ST6GALNAC3: variants seen among roughly 807,000 people sequenced by gnomAD.
The protein encoded by ST6GALNAC3 is alpha-N-acetylgalactosaminide alpha-2,6-sialyltransferase 3.
In ST6GALNAC3, 25 loss-of-function variants were observed where a neutral mutation model predicts 32.7. The ratio of observed to expected loss-of-function variants is 0.76; its 90% CI spans 0.56 to 1.07. ST6GALNAC3 has a LOEUF of 1.07. Ranked by LOEUF, ST6GALNAC3 falls within the 50% of genes least tolerant of loss-of-function variation. The probability of loss-of-function intolerance (pLI) is 0.00; values close to 1 mark genes in which losing one functional copy is unlikely to be tolerated. For missense variants in ST6GALNAC3, 355 were observed against 382.4 expected, an observed-to-expected ratio of 0.93 and a Z score of 0.60; for synonymous variants, 129 against 133.1, an observed-to-expected ratio of 0.97 and a Z score of 0.21.
chr1:76,623,221 T>C (rs1648755132), intron 3 of ST6GALNAC3, among the ~76,000 whole-genome samples: 1 of 151,978 alleles, frequency 6.6e-6, no homozygotes, highest in Admixed American at 6.6e-5. Flanking sequence ...CTTGACGGCA[T>C]CATTTTCCCA....
chr1:76,415,552 C>A (rs1281535753), intron 3 of ST6GALNAC3, among the ~76,000 whole-genome samples: 1 of 151,902 alleles, frequency 6.6e-6, no homozygotes, highest in African/African-American at 2.4e-5. Flanking sequence ...AAAATTATAT[C>A]CTTATGCTCA....
At chr1:76,290,182 A>G (rs1382420943) in intron 1 of ST6GALNAC3, among the ~76,000 whole-genome samples, 2 of 152,232 alleles carry the variant, frequency 1.3e-5, no homozygotes, top group Admixed American at 6.5e-5. Flanking sequence ...TGCTCCCTCC[A>G]CAGGATTAAC....
chr1:76,321,279 G>C (rs1280508698), intron 2 of ST6GALNAC3, among the ~76,000 whole-genome samples: 1 of 152,114 alleles, frequency 6.6e-6, no homozygotes, highest in African/African-American at 2.4e-5. Flanking sequence ...CTGGATGTCA[G>C]TAGCTGTGTT....
At chr1:76,152,262 A>G (rs140836691) in intron 1 of ST6GALNAC3, among the ~76,000 whole-genome samples, 55 of 152,254 alleles carry the variant, frequency 3.6e-4, no homozygotes, top group African/African-American at 1.2e-3. Context: ...TGCTTTTCCA[A>G]GGACACTGCT....
chr1:76,208,336 A>G (rs112227298), intron 1 of ST6GALNAC3, among the ~76,000 whole-genome samples: 1,681 of 152,348 alleles, frequency 0.011, 8 homozygotes, highest in Middle Eastern at 0.031. Context: ...ATGTCACACA[A>G]ATTTAGCCAC....
intron 3 of ST6GALNAC3, among the ~76,000 whole-genome samples, chr1:76,616,663 TA>T (rs1648311834): frequency 6.6e-6 from 1 of 152,180 alleles, no homozygotes. Flanking sequence ...TCTAAAATTC[TA>T]AATGCCTGCA....
chr1:76,432,320 T>C (rs1038078767), intron 3 of ST6GALNAC3, among the ~76,000 whole-genome samples: 1 of 152,188 alleles, frequency 6.6e-6, no homozygotes, highest in Non-Finnish European at 1.5e-5. Flanking sequence ...AGAGTTGCTA[T>C]AAATATCTGT....
intron 2 of ST6GALNAC3, among the ~76,000 whole-genome samples, chr1:76,314,779 C>T (rs1474700803): frequency 6.6e-6 from 1 of 152,108 alleles, no homozygotes. Context: ...ACACAAAGTC[C>T]AAGCCTGTTT....
chr1:76,380,515 G>A (rs1482877374), intron 2 of ST6GALNAC3, among the ~76,000 whole-genome samples: 2 of 152,114 alleles, frequency 1.3e-5, no homozygotes, highest in Non-Finnish European at 2.9e-5. Context: ...GTACATAAAT[G>A]TTTATAGCAG....
intron 3 of ST6GALNAC3, among the ~76,000 whole-genome samples, chr1:76,469,131 G>C (rs1327883650): frequency 1.3e-5 from 2 of 152,060 alleles, no homozygotes; most frequent in Non-Finnish European, 2.9e-5. Context: ...ATTATGTGTT[G>C]TAATGGCTTA....
intron 3 of ST6GALNAC3, among the ~76,000 whole-genome samples, chr1:76,611,773 A>G (rs1647948552): frequency 6.6e-6 from 1 of 152,212 alleles, no homozygotes; most frequent in African/African-American, 2.4e-5. Context: ...TAATATTATA[A>G]CCAACACTGA....
chr1:76,166,936 T>C (rs1195857703), intron 1 of ST6GALNAC3, among the ~76,000 whole-genome samples: 1 of 152,170 alleles, frequency 6.6e-6, no homozygotes, highest in African/African-American at 2.4e-5. Flanking sequence ...TATAGGATCA[T>C]CTTGTCTACA....
intron 3 of ST6GALNAC3, among the ~76,000 whole-genome samples, chr1:76,418,215 G>C (rs1467996206): frequency 1.3e-5 from 2 of 152,110 alleles, no homozygotes; most frequent in Non-Finnish European, 1.5e-5. Flanking sequence ...GCGTGGTCAA[G>C]TGTAGAGATG....
At chr1:76,188,361 CA>C (rs968896536) in intron 1 of ST6GALNAC3, among the ~76,000 whole-genome samples, 4 of 149,380 alleles carry the variant, frequency 2.7e-5, no homozygotes, top group South Asian at 2.1e-4. Flanking sequence ...GACTCCATCT[CA>C]AAAAAAAACA....
intron 2 of ST6GALNAC3, among the ~76,000 whole-genome samples, chr1:76,364,931 A>C (rs957410752): frequency 9.2e-5 from 14 of 152,210 alleles, no homozygotes; most frequent in Non-Finnish European, 1.6e-4. Flanking sequence ...CTTCTCAAAG[A>C]ACTAAAAATA....
chr1:76,525,229 T>C (rs771277195), intron 3 of ST6GALNAC3, among the ~76,000 whole-genome samples: 2 of 152,118 alleles, frequency 1.3e-5, no homozygotes, highest in Non-Finnish European at 2.9e-5. Flanking sequence ...AGAGGAGCCA[T>C]GGAACATTTC....
At chr1:76,251,116 C>G (rs562369033) in intron 1 of ST6GALNAC3, among the ~76,000 whole-genome samples, 20 of 152,100 alleles carry the variant, frequency 1.3e-4, no homozygotes, top group Non-Finnish European at 2.6e-4. Flanking sequence ...GCCTTTTCCA[C>G]CTTCAACAAT....
In ST6GALNAC3 at chr1:76,535,260, T is replaced by C. The variant is rs115741388; in HGVS notation, c.624-92192T>C. On this transcript the variant is annotated intron_variant, in intron 3 of 4. Transcript: ENST00000328299. ...GTCCTAAATAGTGTCTACTATTATT[T>C]TTATAAACTTAAGAAATTCTACTAG... is the stretch of plus-strand genomic sequence containing the variant. 8.4e-3 allele frequency among the ~76,000 whole-genome samples: 1,276 copies of C among 152,300 alleles called. 22 individuals are homozygous for C. The highest frequency in any genetic ancestry group is 0.03 in the African/African-American group (1,228 of 41,572).
rs570943299 is a variant in ST6GALNAC3, at chr1:76,496,776, G to A, written c.623+84359G>A. Among the ~76,000 whole-genome samples, 5 of 152,222 alleles carry A rather than the reference G, an allele frequency of 3.3e-5. No homozygotes were observed. In the South Asian group the frequency reaches 6.2e-4, roughly 19 times the overall value. On this transcript the variant is annotated intron_variant, in intron 3 of 4. Coordinates refer to ENST00000328299, the MANE Select transcript of ST6GALNAC3 (RefSeq NM_152996.4). ...TAATTGTATTGATTTGTTTATCACCGGCTTAGGAGGCCCATCAAACAAATG... is the reference window on the plus strand; with the variant it reads ...TAATTGTATTGATTTGTTTATCACCAGCTTAGGAGGCCCATCAAACAAATG...
Sources: allele counts gnomAD v4.1 joint callset (sites outside exome capture counted in the v4.1 genomes callset), GRCh38; gene constraint gnomAD v4.1.1; transcripts MANE v1.5; gene names NCBI Gene and HGNC (gene_info 2026-07-23, HGNC 2026-07-21).